The following BID variants were observed in gnomAD, a reference collection of about 807,000 sequenced individuals.
BID encodes BH3-interacting domain death agonist.
BID carries 19 observed loss-of-function variants against 17.4 expected under a neutral mutation model. That is an observed-to-expected ratio of 1.09 (90% CI 0.76 to 1.60). The LOEUF is 1.60. Ranked by LOEUF, BID falls within the 40% of genes most tolerant of loss-of-function variation. BID has a pLI of 0.00. For missense variants in BID, 226 were observed against 256.0 expected, an observed-to-expected ratio of 0.88 and a Z score of 0.80; for synonymous variants, 108 against 102.8, an observed-to-expected ratio of 1.05 and a Z score of -0.31.
At chr22:17,767,124 T>C (rs1312868275) in intron 1 of BID, among the ~76,000 whole-genome samples, 1 of 151,018 alleles carries the variant, frequency 6.6e-6, no homozygotes, top group African/African-American at 2.4e-5. Context: ...CTTGGGAGGC[T>C]GAGGCAGGAG....
chr22:17,765,297 G>C (rs2061670288), intron 1 of BID, among the ~76,000 whole-genome samples: 1 of 152,130 alleles, frequency 6.6e-6, no homozygotes, highest in Non-Finnish European at 1.5e-5. Flanking sequence ...TTGACAGATG[G>C]GGAACTGAGG....
intron 1 of BID, among the ~76,000 whole-genome samples, chr22:17,756,165 C>A (rs544950213): frequency 2.0e-5 from 3 of 152,328 alleles, no homozygotes; most frequent in African/African-American, 7.2e-5. Flanking sequence ...CTGCAGCCGG[C>A]CTGTTGTTGT....
At chr22:17,755,474 T>C (rs966143891) in intron 1 of BID, among the ~76,000 whole-genome samples, 1 of 152,050 alleles carries the variant, frequency 6.6e-6, no homozygotes, top group African/African-American at 2.4e-5. Flanking sequence ...TTCCTGACAC[T>C]TCACTTTTTT....
intron 3 of BID, chr22:17,741,022 T>TC (rs2061455542): frequency 1.3e-5 from 2 of 152,240 alleles, no homozygotes; most frequent in African/African-American, 2.4e-5. Context: ...GCTTGCAACT[T>TC]CCCTCTGGCT....
intron 3 of BID, chr22:17,740,103 GCCACGCTCAACTGC>G: frequency 8.6e-7 from 1 of 1,165,960 alleles, no homozygotes; most frequent in Non-Finnish European, 1.2e-6. Context: ...CTCCATGAAG[GCCACGCTCAACTGC>G]CACGCTCCCT....
chr22:17,771,128 C>T (rs1489732573), intron 1 of BID, among the ~76,000 whole-genome samples: 2 of 152,158 alleles, frequency 1.3e-5, no homozygotes, highest in Non-Finnish European at 2.9e-5. Flanking sequence ...GAGACGGAGT[C>T]TCGCTCTGTC....
chr22:17,741,263 T>C (rs935176732), intron 3 of BID: 1 of 151,944 alleles, frequency 6.6e-6, no homozygotes, highest in Non-Finnish European at 1.5e-5. Context: ...TGCTAAGGAG[T>C]GGGCACGTTC....
intron 1 of BID, among the ~76,000 whole-genome samples, chr22:17,753,391 G>C (rs576361346): frequency 6.6e-6 from 1 of 152,364 alleles, no homozygotes; most frequent in South Asian, 2.1e-4. Context: ...GAGGCCACAC[G>C]GCCCAGACCC....
chr22:17,761,429 CTTTTTT>C (rs57001710), intron 1 of BID, among the ~76,000 whole-genome samples: 2 of 106,300 alleles, frequency 1.9e-5, no homozygotes, highest in South Asian at 6.6e-4. Flanking sequence ...TAATCTTTCA[CTTTTTT>C]TTTTTTTTTT....
chr22:17,737,085 G>A (rs1036462612), intron 5 of BID, among the ~76,000 whole-genome samples: 2 of 151,856 alleles, frequency 1.3e-5, no homozygotes, highest in East Asian at 1.9e-4. Context: ...GATTACAGGC[G>A]TGAGCCACCG....
intron 1 of BID, among the ~76,000 whole-genome samples, chr22:17,772,029 A>G (rs563147378): frequency 1.3e-5 from 2 of 151,998 alleles, no homozygotes; most frequent in Admixed American, 1.3e-4. Flanking sequence ...CTGAAGTCCA[A>G]CTCCCTCGGG....
At chr22:17,745,937 G>C (rs891361746) in intron 2 of BID, among the ~76,000 whole-genome samples, 4 of 152,062 alleles carry the variant, frequency 2.6e-5, no homozygotes, top group Admixed American at 6.6e-5. Context: ...TTGCACTCCA[G>C]CCTGGGGGAC....
chr22:17,768,417 C>T (rs904517918), intron 1 of BID, among the ~76,000 whole-genome samples: 2 of 152,208 alleles, frequency 1.3e-5, no homozygotes, highest in African/African-American at 2.4e-5. Context: ...CTTTGTGACC[C>T]GGGAGTCCTG....
chr22:17,738,049 G>A lies in BID; in HGVS notation c.544C>T (p.Leu182=). The change falls in exon 5 of 6, where the codon CTA becomes TTA. Residue 182 remains leucine (L), a synonymous_variant. Transcript: ENST00000622694. ...GCTAAGCTCCTCACGTAGGTGCGTA[G>A]GTTCTGGTTAATAAAATTCACTGTT... ...HTTVNFINQN[L]RTYVRSLARN... is the part of the protein sequence containing the mutation. 6.2e-7 allele frequency: 1 copy of A among 1,614,184 alleles called. No homozygotes were observed. Among genetic ancestry groups the A allele is most frequent in the South Asian group, 1.1e-5 (1 of 91,088 alleles).
At chr22:17,761,143 G>T (rs909753381) in intron 1 of BID, among the ~76,000 whole-genome samples, 51 of 152,150 alleles carry the variant, frequency 3.4e-4, no homozygotes, top group Non-Finnish European at 5.1e-4. Flanking sequence ...TAAGGTGAAT[G>T]ATCAAATCTT....
At chr22:17,770,122 T>G (rs770645929) in intron 1 of BID, among the ~76,000 whole-genome samples, 1 of 152,118 alleles carries the variant, frequency 6.6e-6, no homozygotes, top group African/African-American at 2.4e-5. Flanking sequence ...GTTCTCCTGC[T>G]GTCCCCACCC....
intron 4 of BID, among the ~76,000 whole-genome samples, chr22:17,738,642 C>A (rs768417816): frequency 6.6e-6 from 1 of 152,104 alleles, no homozygotes. Context: ...TGGCAAGGAC[C>A]GTCAGGCGGT....
intron 1 of BID, among the ~76,000 whole-genome samples, chr22:17,758,469 C>T (rs761214763): frequency 6.6e-6 from 1 of 152,208 alleles, no homozygotes; most frequent in African/African-American, 2.4e-5. Context: ...CGCTGAAGAA[C>T]TGAAAAGTAG....
intron 3 of BID, among the ~76,000 whole-genome samples, chr22:17,743,287 G>A (rs549402729): frequency 2.6e-5 from 4 of 152,342 alleles, no homozygotes; most frequent in African/African-American, 9.6e-5. Flanking sequence ...GGGGAGGCAG[G>A]GGCCGCACCG....
Sources: allele counts gnomAD v4.1 joint callset (sites outside exome capture counted in the v4.1 genomes callset), GRCh38; gene constraint gnomAD v4.1.1; transcripts MANE v1.5; gene names NCBI Gene and HGNC (gene_info 2026-07-23, HGNC 2026-07-21).